Variants in DDX59 observed in about 807,000 individuals in gnomAD.
The protein encoded by DDX59 is DEAD-box helicase 59.
A neutral mutation model predicts 51.9 loss-of-function variants in DDX59; 30 were observed. The observed-to-expected ratio is 0.58, with a 90% CI of 0.43 to 0.78. The LOEUF (loss-of-function observed/expected upper bound fraction) is 0.78, where lower values mean the gene tolerates loss of function less well. DDX59 is among the 30% of genes least tolerant of loss of function. The pLI is 0.00. For missense variants in DDX59, 672 were observed against 730.8 expected (o/e 0.92, Z 0.93); for synonymous variants, 255 against 253.3 (o/e 1.01, Z -0.06).
chr1:200,665,477 C>T (rs1241706724), intron 2 of DDX59, among the ~76,000 whole-genome samples: 6 of 144,148 alleles, frequency 4.2e-5, no homozygotes, highest in African/African-American at 1.0e-4. Flanking sequence ...GAGTGAAACT[C>T]GGTCCCAAAA....
chr1:200,650,920 C>T (rs1017204404), intron 4 of DDX59, among the ~76,000 whole-genome samples: 5 of 152,068 alleles, frequency 3.3e-5, no homozygotes, highest in African/African-American at 9.7e-5. Flanking sequence ...AAGCTATATA[C>T]ATTCTAAATA....
chr1:200,648,498 T>C lies in DDX59; in HGVS notation c.1537A>G (p.Ser513Gly). ...GVLGRGLDLI[S>G]VRLVVNFDMP... ...TCAAAATTGACAACCAGCCTGACAC[T>C]GATCAAGTCTAGGCCTCGTCCCAAG... The change falls in exon 7 of 8, where the codon AGT becomes GGT. Residue 513 changes from serine (S) to glycine (G), a missense_variant. Transcript: ENST00000331314. The C allele has an allele frequency of 6.2e-7, 1 of 1,614,200 alleles. No homozygotes were observed. The highest frequency in any genetic ancestry group is 8.5e-7 in the Non-Finnish European group (1 of 1,180,020).
At chr1:200,658,941 T>C (rs933512462) in intron 4 of DDX59, 86 bp downstream of exon 4, 1 of 1,148,410 alleles carries the variant, frequency 8.7e-7, no homozygotes, top group Non-Finnish European at 1.3e-6. Flanking sequence ...AGAGAAAAGG[T>C]ACTGAACATA....
intron 5 of DDX59, 36 bp downstream of exon 5, chr1:200,650,389 A>C: frequency 1.3e-6 from 2 of 1,575,418 alleles, no homozygotes; most frequent in Non-Finnish European, 8.6e-7. Flanking sequence ...ATGCAAACAC[A>C]ATCCATAAAA....
chr1:200,647,635 ATACT>A (rs911092709), intron 7 of DDX59, among the ~76,000 whole-genome samples: 8 of 151,468 alleles, frequency 5.3e-5, no homozygotes, highest in African/African-American at 1.7e-4. Context: ...GTTTTTATAC[ATACT>A]TACCTTTCAA....
At chr1:200,659,508 T>A (rs949097104) in intron 3 of DDX59, among the ~76,000 whole-genome samples, 28 of 151,482 alleles carry the variant, frequency 1.8e-4, no homozygotes, top group African/African-American at 6.8e-4. Flanking sequence ...TGGGGCAGGC[T>A]GAGGCAGGCA....
chr1:200,649,315 A>T, intron 5 of DDX59, 89 bp from the exon 6 acceptor site: 1 of 1,254,138 alleles, frequency 8.0e-7, no homozygotes, highest in South Asian at 1.5e-5. Flanking sequence ...CAAGCTAGTT[A>T]TCAATAGATT....
intron 1 of DDX59, 81 bp downstream of exon 1, chr1:200,669,686 T>G (rs940374484): frequency 6.6e-6 from 1 of 152,404 alleles, no homozygotes; most frequent in Admixed American, 6.5e-5. Context: ...GCACCAGTTC[T>G]GCCGCCGCGG....
chr1:200,660,732 C>A (rs1482934693), intron 3 of DDX59, among the ~76,000 whole-genome samples: 4 of 152,154 alleles, frequency 2.6e-5, no homozygotes, highest in Non-Finnish European at 4.4e-5. Flanking sequence ...GAAAAACACA[C>A]ACTTAGATAT....
At chr1:200,668,110 A>G (rs538711464) in intron 1 of DDX59, among the ~76,000 whole-genome samples, 1 of 152,198 alleles carries the variant, frequency 6.6e-6, no homozygotes, top group African/African-American at 2.4e-5. Flanking sequence ...CATCCTGGCT[A>G]ACACGGTGAA....
chr1:200,648,678 A>G (rs1267861908), intron 6 of DDX59, 111 bp from the exon 7 acceptor site: 3 of 1,297,808 alleles, frequency 2.3e-6, no homozygotes, highest in African/African-American at 3.0e-5. Context: ...TTATTGCAAT[A>G]TTTTTTCAAT....
Position 200,666,748 on chromosome 1 carries a change from T to G in DDX59, c.-8A>C. 6.2e-7 allele frequency: 1 copy of G among 1,601,826 alleles called. No individual in the cohort carries two copies. Reference sequence around the variant, plus strand: ...AGATCTTGGAACAAACATCCTTCAATATTCTGTTAAGGAAATTATATAATG... The same window carrying G: ...AGATCTTGGAACAAACATCCTTCAAGATTCTGTTAAGGAAATTATATAATG... On this transcript the variant is annotated 5_prime_UTR_variant, in exon 2 of 8. Transcript: ENST00000331314.
At position 200,666,228 on chromosome 1, in the gene DDX59, G is replaced by A; in HGVS notation, c.513C>T (p.His171=). 6.2e-7 allele frequency: 1 copy of A among 1,614,206 alleles called. No homozygotes were observed. Among genetic ancestry groups the A allele is most frequent in the Non-Finnish European group, 8.5e-7 (1 of 1,180,044 alleles). The change falls in exon 2 of 8, where the codon CAC becomes CAT. Residue 171 remains histidine (H), a synonymous_variant. Transcript: ENST00000331314. ...PLNASYVYKE[H]PFILNLQEDQ... The stretch of plus-strand genomic sequence containing the variant: ...CTTCCTGAAGGTTCAAAATAAAGGG[G>A]TGCTCTTTGTAGACATAGGAAGCAT...
At chr1:200,660,264 G>A (rs894463505) in intron 3 of DDX59, among the ~76,000 whole-genome samples, 6 of 152,142 alleles carry the variant, frequency 3.9e-5, no homozygotes, top group Admixed American at 1.3e-4. Flanking sequence ...CTTACATGGT[G>A]TACTGGTATT....
intron 2 of DDX59, among the ~76,000 whole-genome samples, chr1:200,665,072 A>ATTC: frequency 6.6e-6 from 1 of 152,176 alleles, no homozygotes; most frequent in East Asian, 1.9e-4. Flanking sequence ...ATGTTTGTTA[A>ATTC]ACTATTTGTG....
intron 1 of DDX59, 63 bp from the exon 2 acceptor site, chr1:200,666,814 C>T: frequency 2.0e-6 from 3 of 1,508,274 alleles, no homozygotes; most frequent in Non-Finnish European, 2.7e-6. Context: ...TATAAAGTAC[C>T]ATATGATTAA....
chr1:200,663,087 T>C (rs1662481381), intron 3 of DDX59, among the ~76,000 whole-genome samples: 1 of 152,200 alleles, frequency 6.6e-6, no homozygotes, highest in East Asian at 1.9e-4. Context: ...CCATAGAAGC[T>C]GTCGAATACT....
At chr1:200,657,748 CA>C (rs1267173346) in intron 4 of DDX59, among the ~76,000 whole-genome samples, 8,502 of 80,564 alleles carry the variant, frequency 0.11, 364 homozygotes, top group African/African-American at 0.21. Flanking sequence ...GACTCTGTCT[CA>C]AAAAAAAAAA....
chr1:200,651,366 G>A (rs1246936622), intron 4 of DDX59, among the ~76,000 whole-genome samples: 1 of 152,180 alleles, frequency 6.6e-6, no homozygotes, highest in Non-Finnish European at 1.5e-5. Context: ...GAAGCCTTTA[G>A]GGGGTGATTA....
Sources: allele counts gnomAD v4.1 joint callset (sites outside exome capture counted in the v4.1 genomes callset), GRCh38; gene constraint gnomAD v4.1.1; transcripts MANE v1.5; gene names NCBI Gene and HGNC (gene_info 2026-07-23, HGNC 2026-07-21).